The following ADGRB3 variants were observed in gnomAD, a reference collection of about 807,000 sequenced individuals.
ADGRB3 encodes adhesion G protein-coupled receptor B3.
Under a neutral mutation model 193.4 loss-of-function variants are expected in ADGRB3, and 37 were observed. The ratio of observed to expected loss-of-function variants is 0.19; its 90% CI spans 0.15 to 0.25. The LOEUF (loss-of-function observed/expected upper bound fraction) is 0.25, where lower values mean the gene tolerates loss of function less well. ADGRB3 is among the 10% of genes least tolerant of loss of function. The pLI, the probability that ADGRB3 is intolerant of heterozygous loss-of-function variation, is 1.00. For synonymous variants in ADGRB3, 690 were observed against 644.2 expected (o/e 1.07, Z -1.08); for missense variants, 1,637 against 1,852.9 (o/e 0.88, Z 2.14).
At chr6:69,348,493 C>CA (rs5877205) in intron 26 of ADGRB3, among the ~76,000 whole-genome samples, 51,058 of 114,824 alleles carry the variant, frequency 0.44, 10,741 homozygotes, top group African/African-American at 0.52. Flanking sequence ...CTAAAAAATG[C>CA]AAAAAAAAAA....
chr6:68,810,558 A>G (rs1341021407), intron 3 of ADGRB3, among the ~76,000 whole-genome samples: 1 of 152,218 alleles, frequency 6.6e-6, no homozygotes, highest in East Asian at 1.9e-4. Context: ...GAGGAAGTCA[A>G]CGGATCTTTC....
chr6:68,850,320 T>G (rs1768371954), intron 3 of ADGRB3, among the ~76,000 whole-genome samples: 2 of 152,006 alleles, frequency 1.3e-5, no homozygotes, highest in African/African-American at 2.4e-5. Flanking sequence ...TCATTCTTTT[T>G]TGATAGCACC....
chr6:69,277,921 T>A (rs1210145757), intron 20 of ADGRB3, among the ~76,000 whole-genome samples: 1 of 152,202 alleles, frequency 6.6e-6, no homozygotes, highest in Non-Finnish European at 1.5e-5. Context: ...ATCTGGCACA[T>A]GGTAAGAACT....
At chr6:69,080,242 A>C (rs549518408) in intron 17 of ADGRB3, among the ~76,000 whole-genome samples, 101 of 152,192 alleles carry the variant, frequency 6.6e-4, no homozygotes, top group Non-Finnish European at 1.2e-3. Context: ...TTGCTCTGTG[A>C]ATGATTGATA....
At chr6:69,108,275 G>T (rs1773269672) in intron 17 of ADGRB3, among the ~76,000 whole-genome samples, 2 of 152,046 alleles carry the variant, frequency 1.3e-5, no homozygotes, top group Admixed American at 1.3e-4. Context: ...GTGGCTAAGG[G>T]TTTACCTAAG....
At chr6:69,349,168 G>A (rs1032824827) in intron 26 of ADGRB3, among the ~76,000 whole-genome samples, 1 of 152,168 alleles carries the variant, frequency 6.6e-6, no homozygotes, top group Non-Finnish European at 1.5e-5. Context: ...AGAAGGCATG[G>A]GATCCTGGTG....
At chr6:69,295,705 C>G (rs893597761) in intron 20 of ADGRB3, among the ~76,000 whole-genome samples, 13 of 152,190 alleles carry the variant, frequency 8.5e-5, no homozygotes, top group Non-Finnish European at 1.5e-4. Flanking sequence ...TCCCACAACT[C>G]TTGCACCTGT....
At chr6:68,897,739 GAGGA>G (rs1209797503) in intron 3 of ADGRB3, among the ~76,000 whole-genome samples, 18 of 32,746 alleles carry the variant, frequency 5.5e-4, no homozygotes, top group African/African-American at 1.7e-3. Flanking sequence ...AGGGCAGGAA[GAGGA>G]AGGAAGGGAG....
chr6:68,641,549 G>T (rs1768082787), intron 3 of ADGRB3, among the ~76,000 whole-genome samples: 1 of 152,124 alleles, frequency 6.6e-6, no homozygotes, highest in Non-Finnish European at 1.5e-5. Flanking sequence ...GAAAAAGTTT[G>T]TATCATAGGG....
At chr6:68,685,448 A>G (rs772931593) in intron 3 of ADGRB3, among the ~76,000 whole-genome samples, 45 of 152,114 alleles carry the variant, frequency 3.0e-4, no homozygotes, top group Non-Finnish European at 5.4e-4. Context: ...GCAATAGAAC[A>G]TAGAAAAAAT....
intron 13 of ADGRB3, among the ~76,000 whole-genome samples, chr6:69,031,173 G>T (rs1251742222): frequency 1.3e-5 from 2 of 148,456 alleles, no homozygotes; most frequent in Non-Finnish European, 3.0e-5. Flanking sequence ...AGGCTTGGTG[G>T]CTTATGGCTG....
intron 3 of ADGRB3, among the ~76,000 whole-genome samples, chr6:68,808,203 T>C (rs1453737186): frequency 6.6e-6 from 1 of 152,214 alleles, no homozygotes; most frequent in Non-Finnish European, 1.5e-5. Flanking sequence ...TCCTACACAA[T>C]AGATTCTGAT....
At chr6:69,326,834 G>T (rs1189280689) in intron 21 of ADGRB3, among the ~76,000 whole-genome samples, 6 of 151,852 alleles carry the variant, frequency 4.0e-5, no homozygotes, top group Admixed American at 3.9e-4. Context: ...AAGGGAAGAG[G>T]AGGAAAGGGA....
intron 3 of ADGRB3, among the ~76,000 whole-genome samples, chr6:68,721,731 C>A (rs995395839): frequency 2.0e-5 from 3 of 149,136 alleles, no homozygotes; most frequent in African/African-American, 7.4e-5. Flanking sequence ...CCTAAATTAT[C>A]TTAGCAGAGG....
intron 20 of ADGRB3, among the ~76,000 whole-genome samples, chr6:69,261,810 C>T (rs1208868147): frequency 3.3e-5 from 5 of 151,618 alleles, no homozygotes; most frequent in African/African-American, 1.2e-4. Flanking sequence ...TGGTAGATAC[C>T]GAAATATGAC....
At chr6:68,851,252 T>C (rs1433212545) in intron 3 of ADGRB3, among the ~76,000 whole-genome samples, 4 of 151,864 alleles carry the variant, frequency 2.6e-5, no homozygotes, top group Non-Finnish European at 5.9e-5. Context: ...TGTCTCTCTC[T>C]CTTTCTCTCT....
At chr6:68,912,962 G>T (rs953959479) in intron 3 of ADGRB3, among the ~76,000 whole-genome samples, 1 of 152,150 alleles carries the variant, frequency 6.6e-6, no homozygotes, top group Non-Finnish European at 1.5e-5. Flanking sequence ...CTGATTGCTA[G>T]CACAGCAGTC....
chr6:69,267,825 G>GT (rs1445011924), intron 20 of ADGRB3, among the ~76,000 whole-genome samples: 6 of 152,072 alleles, frequency 3.9e-5, no homozygotes, highest in Admixed American at 2.0e-4. Context: ...ATGATATTGA[G>GT]TTTTTTCCCG....
At chr6:68,791,886 G>T (rs1767113905) in intron 3 of ADGRB3, among the ~76,000 whole-genome samples, 2 of 152,260 alleles carry the variant, frequency 1.3e-5, no homozygotes, top group East Asian at 3.9e-4. Context: ...AATCTAAGTT[G>T]TGGCTTGGCA....
Sources: allele counts gnomAD v4.1 joint callset (sites outside exome capture counted in the v4.1 genomes callset), GRCh38; gene constraint gnomAD v4.1.1; transcripts MANE v1.5; gene names NCBI Gene and HGNC (gene_info 2026-07-23, HGNC 2026-07-21).